PSTPIP1: variants seen among roughly 807,000 people sequenced by gnomAD.
PSTPIP1 encodes the protein proline-serine-threonine phosphatase interacting protein 1.
In PSTPIP1, 66 loss-of-function variants were observed where a neutral mutation model predicts 69.6. The observed-to-expected ratio is 0.95, with a 90% CI of 0.78 to 1.16. PSTPIP1 has a LOEUF of 1.16. Ranked by LOEUF, PSTPIP1 falls within the 50% of genes most tolerant of loss-of-function variation. The probability of loss-of-function intolerance (pLI) is 0.00; values close to 1 mark genes in which losing one functional copy is unlikely to be tolerated. For missense variants in PSTPIP1, 603 were observed against 557.4 expected (o/e 1.08, Z -0.82); for synonymous variants, 266 against 222.7 (o/e 1.19, Z -1.73).
At position 77,018,212 on chromosome 15, in the gene PSTPIP1, A is replaced by C; in HGVS notation, c.101A>C (p.Lys34Thr). Reference sequence around the variant, plus strand: ...CTGCAGCGGCTTCTGGATGGCAGGAAGATGTGCAAAGACATGGAGGAGCTA... The same window carrying C: ...CTGCAGCGGCTTCTGGATGGCAGGACGATGTGCAAAGACATGGAGGAGCTA... ...VLLQRLLDGR[K>T]MCKDMEELLR... The change falls in exon 2 of 15, where the codon AAG becomes ACG. Residue 34 changes from lysine to threonine, a missense_variant. Coordinates refer to ENST00000558012, the MANE Select transcript of PSTPIP1 (RefSeq NM_003978.5). 2 of 1,587,698 alleles carry C rather than the reference A, an allele frequency of 1.3e-6. No individual in the cohort carries two copies. The highest frequency in any genetic ancestry group is 4.6e-5 in the East Asian group (2 of 43,668).
rs1568526554 is a variant in PSTPIP1, at chr15:77,035,528, G to C, written c.950G>C (p.Gly317Ala). 1 of 1,592,540 alleles carries C rather than the reference G, an allele frequency of 6.3e-7. No homozygotes were observed. Among genetic ancestry groups the C allele is most frequent in the Non-Finnish European group, 8.5e-7 (1 of 1,170,020 alleles). The part of the protein sequence containing the change: ...MIKRFSGLLH[G>A]SPKTTSLAAS... The stretch of plus-strand genomic sequence containing the variant: ...CCCAGGTTCTCTGGACTGCTGCACG[G>C]AAGTCCCAAGACCACTTCGTTGGCA... The change falls in exon 13 of 15, where the codon GGA becomes GCA. Residue 317 changes from glycine (G) to alanine (A), a missense_variant. By Grantham distance (60) the Gly-to-Ala change is moderately conservative. Transcript: ENST00000558012.
chr15:77,002,565 G>A (rs769495757), intron 1 of PSTPIP1, among the ~76,000 whole-genome samples: 1 of 152,178 alleles, frequency 6.6e-6, no homozygotes, highest in Non-Finnish European at 1.5e-5. Flanking sequence ...TTTGTGGTAC[G>A]TGGGCCTCTG....
intron 7 of PSTPIP1, 92 bp from the exon 8 acceptor site, chr15:77,029,437 C>A: frequency 6.9e-7 from 1 of 1,458,092 alleles, no homozygotes; most frequent in South Asian, 1.2e-5. Flanking sequence ...CCCAGGGTGG[C>A]CGGGGAAGCT....
At chr15:77,008,466 G>A (rs1031255030) in intron 1 of PSTPIP1, among the ~76,000 whole-genome samples, 6 of 152,166 alleles carry the variant, frequency 3.9e-5, no homozygotes, top group Non-Finnish European at 8.8e-5. Context: ...CTGGAGTGCA[G>A]TGGCACCGTG....
Position 76,995,287 on chromosome 15 carries a change from G to A in PSTPIP1, c.-287G>A. Reference sequence around the variant, plus strand: ...TGTGTCCTCCATCACCGCAGGGTCGGTGAGGGGCTGGGCTGGACACCAGGG... The same window carrying A: ...TGTGTCCTCCATCACCGCAGGGTCGATGAGGGGCTGGGCTGGACACCAGGG... On this transcript the variant is annotated 5_prime_UTR_variant, in exon 1 of 15. It adds an upstream start codon to the 5' untranslated region. Transcript: ENST00000558012. The A allele has an allele frequency of 7.4e-7, 1 of 1,345,952 alleles. No individual in the cohort carries two copies. The highest frequency in any genetic ancestry group is 9.6e-7 in the Non-Finnish European group (1 of 1,043,210). 83.4% of individuals were successfully genotyped at this position (1,345,952 alleles called of 1,614,324 possible).
rs927372344 is a variant in PSTPIP1, at chr15:77,017,530, A to G, written c.37-618A>G. ...ATGCCCACCTCCCTGGATCTCCGTG[A>G]GGGGGGGTTTCCTGAGCCCACAGAG... On this transcript the variant is annotated intron_variant, in intron 1 of 14. Transcript: ENST00000558012. 3.9e-5 allele frequency among the ~76,000 whole-genome samples: 6 copies of G among 152,016 alleles called. No homozygotes were observed. In the South Asian group the frequency reaches 6.2e-4, roughly 16 times the overall value.
At chr15:77,018,306 G>T (rs984726736) in intron 2 of PSTPIP1, 58 bp downstream of exon 2, 3 of 1,543,618 alleles carry the variant, frequency 1.9e-6, no homozygotes, top group Non-Finnish European at 2.6e-6. Flanking sequence ...CTTCCGCTCG[G>T]CTCCTGGGAC....
chr15:77,035,744 A>G, intron 13 of PSTPIP1, 58 bp from the exon 14 acceptor site: 1 of 1,511,372 alleles, frequency 6.6e-7, no homozygotes, highest in Non-Finnish European at 8.8e-7. Context: ...TTCTAGTAGG[A>G]CTTCCAGGGG....
chr15:77,024,783 T>C (rs927840048), intron 3 of PSTPIP1, among the ~76,000 whole-genome samples: 1 of 140,924 alleles, frequency 7.1e-6, no homozygotes, highest in African/African-American at 2.6e-5. Flanking sequence ...TCTCAACTCC[T>C]GCGCCCTGCC....
intron 3 of PSTPIP1, among the ~76,000 whole-genome samples, chr15:77,019,418 C>T (rs1469945319): frequency 1.3e-5 from 2 of 152,142 alleles, no homozygotes; most frequent in African/African-American, 4.8e-5. Context: ...CCTTCTCCCC[C>T]GAGAGAGGAA....
chr15:76,996,327 GC>G (rs1257437326), intron 1 of PSTPIP1, among the ~76,000 whole-genome samples: 3 of 152,238 alleles, frequency 2.0e-5, no homozygotes, highest in African/African-American at 7.2e-5. Context: ...GGGCCACGTA[GC>G]CTGCAGCCCA....
rs962187273 is a variant in PSTPIP1, at chr15:77,027,412, A to G, written c.355-440A>G. Among the ~76,000 whole-genome samples the G allele has an allele frequency of 1.3e-5, 2 of 152,062 alleles. No individual in the cohort carries two copies. Among genetic ancestry groups the G allele is most frequent in the Non-Finnish European group, 2.9e-5 (2 of 67,982 alleles). ...GTGGCATCTGTGGGTGTGCACAGGA[A>G]TGCCTGTGATCATGCGTGTGGGCAG... is the stretch of plus-strand genomic sequence containing the variant. On this transcript the variant is annotated intron_variant, in intron 5 of 14. Transcript: ENST00000558012. The surrounding 1 kb of genome is among the most constrained non-coding windows in gnomAD (Gnocchi z 4.3).
intron 1 of PSTPIP1, among the ~76,000 whole-genome samples, chr15:77,017,599 G>T (rs1005140017): frequency 6.6e-6 from 1 of 152,150 alleles, no homozygotes; most frequent in African/African-American, 2.4e-5. Context: ...CCAAGAAACC[G>T]CAATTGCTGT....
chr15:76,994,701 A>G, upstream of PSTPIP1: 4 of 1,244,640 alleles, frequency 3.2e-6, no homozygotes, highest in Non-Finnish European at 4.2e-6. Context: ...GTGTGCTCAC[A>G]GCCCCCCAGA....
intron 3 of PSTPIP1, among the ~76,000 whole-genome samples, chr15:77,019,457 CAA>C (rs2076119233): frequency 6.6e-6 from 1 of 152,134 alleles, no homozygotes; most frequent in Admixed American, 6.5e-5. Context: ...GAAGGTCCCC[CAA>C]AGACACCAGG....
chr15:77,015,355 T>C (rs539635591), intron 1 of PSTPIP1, among the ~76,000 whole-genome samples: 3 of 152,146 alleles, frequency 2.0e-5, no homozygotes, highest in Non-Finnish European at 4.4e-5. Flanking sequence ...TCTCTTTCCC[T>C]GTTTGGGCCT....
At chr15:77,020,877 GGGGT>G (rs375904710) in intron 3 of PSTPIP1, among the ~76,000 whole-genome samples, 71 of 142,516 alleles carry the variant, frequency 5.0e-4, no homozygotes, top group African/African-American at 1.6e-3. Context: ...GTGGGGGGGG[GGGGT>G]GTGTGTGTTG....
At chr15:77,001,806 A>C (rs2075714286) in intron 1 of PSTPIP1, among the ~76,000 whole-genome samples, 1 of 152,232 alleles carries the variant, frequency 6.6e-6, no homozygotes, top group African/African-American at 2.4e-5. Flanking sequence ...ATTAACAACA[A>C]AAATCTGTGG....
chr15:77,007,768 T>C (rs2075845363), intron 1 of PSTPIP1: 2 of 371,338 alleles, frequency 5.4e-6, no homozygotes, highest in Middle Eastern at 9.3e-4. Flanking sequence ...CTAATTTTTT[T>C]GTATTTTTAG....
Sources: gnomAD v4.1 joint callset for allele counts (sites outside exome capture counted in the v4.1 genomes callset) on GRCh38, gnomAD v4.1.1 for gene constraint, Gnocchi (gnomAD v3.1) non-coding constraint, MANE v1.5 for transcripts, NCBI Gene and HGNC (gene_info 2026-07-23, HGNC 2026-07-21) for gene names.